The following PDE4C variants were observed in gnomAD, a reference collection of about 807,000 sequenced individuals.
PDE4C encodes the protein 3',5'-cyclic-AMP phosphodiesterase 4C.
In PDE4C, 50 loss-of-function variants were observed where a neutral mutation model predicts 63.9. The observed-to-expected ratio is 0.78, with a 90% CI of 0.62 to 0.99. The LOEUF is 0.99. PDE4C is among the 50% of genes least tolerant of loss of function. PDE4C has a pLI of 0.00. For synonymous variants in PDE4C, 377 were observed against 385.1 expected (o/e 0.98, Z 0.25); for missense variants, 777 against 899.1 (o/e 0.86, Z 1.74).
At chr19:18,233,184 T>A in exon 1 of PDE4C, 1 of 1,558,642 alleles carries the variant, frequency 6.4e-7, no homozygotes, top group Non-Finnish European at 8.7e-7. Context: ...GACCCCCAGG[T>A]TCTCCATGCG....
At position 18,216,904 on chromosome 19, in the gene PDE4C, G is replaced by T. The variant is rs772004564; in HGVS notation, c.1235-9C>A. 11 of 1,597,558 alleles carry T rather than the reference G, an allele frequency of 6.9e-6. No individual in the cohort carries two copies. The highest frequency in any genetic ancestry group is 8.5e-6 in the Non-Finnish European group (10 of 1,170,516). ...AAGCGCCAGCTCTGAGTCTGTGAGG[G>T]TATGGGACTGAGAGCCCCAAGATCC... On this transcript the variant is annotated splice_polypyrimidine_tract_variant and intron_variant, in intron 11 of 14. Coordinates refer to ENST00000262805, the Ensembl canonical transcript of PDE4C.
intron 7 of PDE4C, chr19:18,219,782 C>G (rs12461072): frequency 0.26 from 58,106 of 219,862 alleles, 8,085 homozygotes; most frequent in Middle Eastern, 0.36. Context: ...GAGATTGCAC[C>G]ACTGCACTCC....
chr19:18,215,295 G>A (rs1402445436), intron 12 of PDE4C, among the ~76,000 whole-genome samples: 9 of 152,070 alleles, frequency 5.9e-5, no homozygotes, highest in Non-Finnish European at 1.0e-4. Flanking sequence ...TCTTTGGCTG[G>A]TCTGGGCTCC....
chr19:18,223,355 C>T (rs769364072), intron 1 of PDE4C, among the ~76,000 whole-genome samples: 2 of 152,074 alleles, frequency 1.3e-5, no homozygotes, highest in Non-Finnish European at 2.9e-5. Context: ...GGATTACAGG[C>T]GTGTGCCACC....
intron 1 of PDE4C, chr19:18,224,386 C>T (rs1436625881): frequency 1.0e-6 from 1 of 985,434 alleles, no homozygotes; most frequent in Non-Finnish European, 1.2e-6. Flanking sequence ...TCCCCGTCCA[C>T]GAGCTGGGTC....
intron 1 of PDE4C, among the ~76,000 whole-genome samples, chr19:18,246,788 G>A (rs751588799): frequency 2.2e-4 from 33 of 152,142 alleles, no homozygotes; most frequent in East Asian, 3.9e-4. Context: ...TCAGCCGGGC[G>A]TCAAGGCTTG....
chr19:18,248,606 T>G (rs1969179383), upstream of PDE4C, among the ~76,000 whole-genome samples: 2 of 150,300 alleles, frequency 1.3e-5, no homozygotes, highest in South Asian at 2.1e-4. Context: ...AAGGGGGGGA[T>G]TTTATCAACT....
At chr19:18,243,160 T>A (rs1306485673) in intron 1 of PDE4C, among the ~76,000 whole-genome samples, 1 of 152,090 alleles carries the variant, frequency 6.6e-6, no homozygotes, top group Non-Finnish European at 1.5e-5. Flanking sequence ...CAGGCTGTAG[T>A]GTAATGGCAC....
upstream of PDE4C, among the ~76,000 whole-genome samples, chr19:18,229,102 ATT>A (rs56379821): frequency 5.6e-5 from 7 of 124,552 alleles, no homozygotes; most frequent in African/African-American, 1.6e-4. Context: ...TGCCAAGCTA[ATT>A]TTTTTTTTTT....
intron 1 of PDE4C, among the ~76,000 whole-genome samples, chr19:18,239,357 C>T (rs1435132684): frequency 6.6e-6 from 1 of 152,218 alleles, no homozygotes; most frequent in Admixed American, 6.6e-5. Flanking sequence ...CAGGCAGAAT[C>T]AGTCTGAACG....
intron 1 of PDE4C, among the ~76,000 whole-genome samples, chr19:18,239,855 G>C (rs747435534): frequency 6.6e-6 from 1 of 151,948 alleles, no homozygotes; most frequent in Non-Finnish European, 1.5e-5. Flanking sequence ...GCAAAACCCT[G>C]TCTCTACTAA....
intron 1 of PDE4C, 78 bp from the exon 2 acceptor site, chr19:18,222,401 G>T: frequency 7.5e-7 from 1 of 1,336,014 alleles, no homozygotes; most frequent in African/African-American, 1.4e-5. Context: ...TGTCTGGTGC[G>T]TCCTCCCTGG....
chr19:18,221,052 G>GCCAGGGCCCCCCCCCCCCCCCCCCCCCC, intron 4 of PDE4C, 53 bp downstream of exon 4: 3 of 1,245,304 alleles, frequency 2.4e-6, no homozygotes, highest in Non-Finnish European at 3.4e-6. Flanking sequence ...CCCGCTTTCC[G>GCCAGGGCCCCCCCCCCCCCCCCCCCCCC]CCCACCTTGT....
intron 4 of PDE4C, 25 bp downstream of exon 4, chr19:18,221,080 C>T (rs1245415196): frequency 1.8e-6 from 2 of 1,084,688 alleles, no homozygotes; most frequent in Non-Finnish European, 2.5e-6. Context: ...GGCCCCGCCC[C>T]CGCCCCGCCC....
upstream of PDE4C, among the ~76,000 whole-genome samples, chr19:18,227,291 G>A (rs2238646): frequency 0.089 from 13,570 of 152,062 alleles, 1,144 homozygotes; most frequent in East Asian, 0.5. Flanking sequence ...TGCAGAAAGC[G>A]AGACCCAAAC....
intron 1 of PDE4C, chr19:18,232,857 G>T: frequency 2.5e-6 from 3 of 1,189,560 alleles, no homozygotes; most frequent in Non-Finnish European, 3.3e-6. Context: ...AGAGACCCCC[G>T]CCCCCTGGAG....
At chr19:18,215,584 C>T (rs755305164) in intron 12 of PDE4C, among the ~76,000 whole-genome samples, 6 of 151,854 alleles carry the variant, frequency 4.0e-5, no homozygotes, top group Non-Finnish European at 8.8e-5. Context: ...GTGCGATCTC[C>T]GCTCACTGCA....
intron 1 of PDE4C, among the ~76,000 whole-genome samples, chr19:18,246,476 C>T (rs1600106617): frequency 2.6e-5 from 4 of 152,048 alleles, no homozygotes; most frequent in Admixed American, 2.6e-4. Flanking sequence ...AGCCACCGCG[C>T]CCAGACTACC....
Position 18,220,360 on chromosome 19 carries a change from C to A in PDE4C, c.613-41G>T. ...GGTGAAGACCGTGATGATGGGGCAC[C>A]GTGGGCCGAGGCAGGTGAGCTCAGC... On this transcript the variant is annotated intron_variant, in intron 6 of 14. Coordinates refer to ENST00000262805, the Ensembl canonical transcript of PDE4C. The surrounding 1 kb of genome is among the most constrained non-coding windows in gnomAD (Gnocchi z 5.1). 1 of 1,612,322 alleles carries A rather than the reference C, an allele frequency of 6.2e-7. No individual in the cohort carries two copies. The highest frequency in any genetic ancestry group is 1.1e-5 in the South Asian group (1 of 91,050).
Sources: allele counts gnomAD v4.1 joint callset (sites outside exome capture counted in the v4.1 genomes callset), GRCh38; gene constraint gnomAD v4.1.1; non-coding constraint Gnocchi (gnomAD v3.1); transcripts MANE v1.5; gene names NCBI Gene and HGNC (gene_info 2026-07-23, HGNC 2026-07-21).